AFG2A: variants seen among roughly 807,000 people sequenced by gnomAD.
The protein encoded by AFG2A is ATPase family gene 2 protein homolog A.
chr4:123,022,880 T>G, the AFG2A span, among the ~76,000 whole-genome samples: 1 of 152,052 alleles, frequency 6.6e-6, no homozygotes, highest in African/African-American at 2.4e-5. Flanking sequence ...TTCATGTCCT[T>G]TGTAGGGACA....
the AFG2A span, among the ~76,000 whole-genome samples, chr4:123,125,138 C>G: frequency 6.6e-6 from 1 of 152,084 alleles, no homozygotes; most frequent in African/African-American, 2.4e-5. Flanking sequence ...ATGAAATGTA[C>G]ATAGATTTTT....
chr4:123,227,219 G>T, the AFG2A span, among the ~76,000 whole-genome samples: 2 of 152,016 alleles, frequency 1.3e-5, no homozygotes, highest in Middle Eastern at 3.2e-3. Flanking sequence ...CTTCAGTTCT[G>T]CTCTGATCTT....
chr4:123,003,229 A>G, the AFG2A span, among the ~76,000 whole-genome samples: 3 of 152,102 alleles, frequency 2.0e-5, no homozygotes, highest in African/African-American at 7.2e-5. Flanking sequence ...AAAGTTTTCA[A>G]CTTCTTTGCC....
chr4:123,034,090 T>G, the AFG2A span, among the ~76,000 whole-genome samples: 6 of 152,118 alleles, frequency 3.9e-5, no homozygotes, highest in Non-Finnish European at 8.8e-5. Context: ...AATACATTTT[T>G]TTTTCAGTAT....
At chr4:122,935,419 G>T in the AFG2A span, among the ~76,000 whole-genome samples, 2 of 151,570 alleles carry the variant, frequency 1.3e-5, no homozygotes, top group African/African-American at 2.4e-5. Flanking sequence ...TTGGTTTTTC[G>T]ATCATTGATC....
the AFG2A span, among the ~76,000 whole-genome samples, chr4:123,296,980 C>T: frequency 4.6e-5 from 7 of 152,270 alleles, no homozygotes; most frequent in East Asian, 1.4e-3. Flanking sequence ...TCATTCTTCC[C>T]CTCCAACACA....
At chr4:123,158,934 C>G in the AFG2A span, among the ~76,000 whole-genome samples, 1 of 152,082 alleles carries the variant, frequency 6.6e-6, no homozygotes, top group African/African-American at 2.4e-5. Flanking sequence ...TGATCTTAAT[C>G]TAAAATATTA....
the AFG2A span, chr4:123,028,284 G>A: frequency 6.2e-7 from 1 of 1,614,160 alleles, no homozygotes; most frequent in Non-Finnish European, 8.5e-7. Context: ...TCATTCGAAT[G>A]GGTATTCAGC....
chr4:122,993,732 T>A, the AFG2A span, among the ~76,000 whole-genome samples: 1 of 152,038 alleles, frequency 6.6e-6, no homozygotes, highest in African/African-American at 2.4e-5. Flanking sequence ...TCACTAGAGT[T>A]TATTTTTTTA....
the AFG2A span, among the ~76,000 whole-genome samples, chr4:123,047,431 G>A: frequency 3.3e-5 from 5 of 151,938 alleles, no homozygotes; most frequent in Admixed American, 6.6e-5. Flanking sequence ...TTGCTACTGA[G>A]TTGTTTGAAT....
chr4:123,096,270 TGAA>T, the AFG2A span, among the ~76,000 whole-genome samples: 2 of 147,456 alleles, frequency 1.4e-5, no homozygotes, highest in African/African-American at 5.4e-5. Context: ...GTAGGACAGA[TGAA>T]GATTAATGAG....
the AFG2A span, among the ~76,000 whole-genome samples, chr4:122,975,791 G>T: frequency 6.6e-6 from 1 of 152,014 alleles, no homozygotes; most frequent in African/African-American, 2.4e-5. Context: ...GGCAGTCAGT[G>T]ATTTTACTCT....
chr4:123,207,115 G>GTAGA, the AFG2A span, among the ~76,000 whole-genome samples: 1 of 152,106 alleles, frequency 6.6e-6, no homozygotes, highest in Non-Finnish European at 1.5e-5. Flanking sequence ...AAAATCATAA[G>GTAGA]TAGATGGTTA....
At chr4:123,081,882 C>G in the AFG2A span, among the ~76,000 whole-genome samples, 1 of 152,068 alleles carries the variant, frequency 6.6e-6, no homozygotes. Context: ...TTGCAGTTCC[C>G]TAATAATATA....
At chr4:123,263,598 C>G in the AFG2A span, among the ~76,000 whole-genome samples, 2 of 101,468 alleles carry the variant, frequency 2.0e-5, no homozygotes, top group Admixed American at 2.3e-4. Context: ...AAATGGCCAA[C>G]AAACATATGA....
At chr4:123,026,377 C>T in the AFG2A span, among the ~76,000 whole-genome samples, 1 of 152,068 alleles carries the variant, frequency 6.6e-6, no homozygotes, top group Non-Finnish European at 1.5e-5. Flanking sequence ...CCTCCTTCAG[C>T]TGTACACATT....
chr4:123,018,449 ACTATTTGTTGAAAG>A, the AFG2A span, among the ~76,000 whole-genome samples: 3 of 152,212 alleles, frequency 2.0e-5, no homozygotes, highest in African/African-American at 7.2e-5. Flanking sequence ...AGCATAAAGT[ACTATTTGTTGAAAG>A]ATGAGAGGTG....
the AFG2A span, among the ~76,000 whole-genome samples, chr4:123,064,697 A>G: frequency 3.9e-5 from 6 of 152,290 alleles, no homozygotes; most frequent in Middle Eastern, 3.4e-3. Flanking sequence ...AACAACTTCT[A>G]TTGTCCAGGA....
At chr4:123,210,102 A>G in the AFG2A span, among the ~76,000 whole-genome samples, 4 of 152,132 alleles carry the variant, frequency 2.6e-5, no homozygotes, top group African/African-American at 4.8e-5. Flanking sequence ...TTTTATTTTT[A>G]CAAGTAAAAA....
Sources: allele counts gnomAD v4.1 joint callset (sites outside exome capture counted in the v4.1 genomes callset), GRCh38; gene constraint gnomAD v4.1.1; transcripts MANE v1.5; gene names NCBI Gene and HGNC (gene_info 2026-07-23, HGNC 2026-07-21).